PTK2: variants seen among roughly 807,000 people sequenced by gnomAD.
The protein encoded by PTK2 is focal adhesion kinase 1.
Under a neutral mutation model 150.1 loss-of-function variants are expected in PTK2, and 45 were observed. That is an observed-to-expected ratio of 0.30 (90% CI 0.24 to 0.38). PTK2 has a LOEUF of 0.38. PTK2 is among the 10% of genes least tolerant of loss of function. The probability of loss-of-function intolerance (pLI) is 1.00; values close to 1 mark genes in which losing one functional copy is unlikely to be tolerated. For missense variants in PTK2, 919 were observed against 1,307.3 expected, an observed-to-expected ratio of 0.70 and a Z score of 4.58; for synonymous variants, 432 against 449.2, an observed-to-expected ratio of 0.96 and a Z score of 0.48.
chr8:140,911,514 G>T (rs10089610), intron 2 of PTK2, among the ~76,000 whole-genome samples: 63,416 of 151,904 alleles, frequency 0.42, 15,151 homozygotes, highest in Non-Finnish European at 0.55. Context: ...GAGACACATT[G>T]ATAGTCTGAT....
chr8:140,780,674 G>A (rs1395264048), intron 14 of PTK2, among the ~76,000 whole-genome samples: 1 of 152,188 alleles, frequency 6.6e-6, no homozygotes, highest in Admixed American at 6.5e-5. Flanking sequence ...TTCTTGTTTA[G>A]ACGAAACCAC....
In PTK2 at chr8:140,875,491, CAGA is replaced by C. The variant is rs1309008309; in HGVS notation, c.362+3977_362+3979del. On this transcript the variant is annotated intron_variant, in intron 4 of 31. Transcript: ENST00000522684. ...CAGAGTGGAGGAGGAAGAGGAAGAG[CAGA>C]AGGAGATAAGGACTGTGAGGTCATC... Among the ~76,000 whole-genome samples the C allele has an allele frequency of 2.6e-5, 4 of 152,102 alleles. No individual in the cohort carries two copies. The East Asian group carries it at 5.8e-4, about 22-fold the overall frequency.
intron 10 of PTK2, among the ~76,000 whole-genome samples, chr8:140,808,559 T>C (rs2100099472): frequency 6.6e-6 from 1 of 152,222 alleles, no homozygotes; most frequent in East Asian, 1.9e-4. Flanking sequence ...TGTGAAACAG[T>C]TAACATTTAA....
At chr8:140,957,609 C>T (rs1381154543) in intron 1 of PTK2, among the ~76,000 whole-genome samples, 1 of 152,162 alleles carries the variant, frequency 6.6e-6, no homozygotes, top group Non-Finnish European at 1.5e-5. Flanking sequence ...TCACCCAGAG[C>T]AGCGTTCAGT....
intron 3 of PTK2, among the ~76,000 whole-genome samples, chr8:140,884,564 C>G (rs1243475129): frequency 1.3e-5 from 2 of 152,170 alleles, no homozygotes; most frequent in Non-Finnish European, 2.9e-5. Context: ...CACAAAGTGT[C>G]CAGTGATGAC....
rs538232004 is a variant in PTK2 at position 140,747,042 on chromosome 8, C to T, written c.1418-182G>A. ...AGTAGCTGGGACTACAGGCGCCCAC[C>T]ACCACGCCCGGCTAATTTTTTGTAT... On this transcript the variant is annotated intron_variant, in intron 17 of 31. Coordinates refer to ENST00000522684, the Ensembl canonical transcript of PTK2. 7.3e-5 allele frequency: 37 copies of T among 507,566 alleles called. 1 individual carries two copies. In the South Asian group the frequency reaches 7.3e-4, roughly 10 times the overall value. The allele number at this position is 507,566 out of a possible 1,614,324, so 31.4% of individuals were successfully genotyped here.
chr8:140,864,350 T>G (rs369173327), exon 5 of PTK2: 1 of 1,601,960 alleles, frequency 6.2e-7, no homozygotes, highest in Admixed American at 1.7e-5. Flanking sequence ...TTATCTTCAG[T>G]AAACTGGTTT....
chr8:140,876,540 T>TTA (rs10622754), intron 4 of PTK2, among the ~76,000 whole-genome samples: 134,738 of 152,076 alleles, frequency 0.89, 61,546 homozygotes, highest in Non-Finnish European at 1. Flanking sequence ...ATTTGGGATT[T>TTA]TGTTAATCCT....
At chr8:140,807,116 A>G (rs1234450590) in intron 10 of PTK2, among the ~76,000 whole-genome samples, 2 of 152,268 alleles carry the variant, frequency 1.3e-5, no homozygotes, top group Non-Finnish European at 2.9e-5. Context: ...ATGAGAAGTT[A>G]TTAGGTGCTA....
rs182601044 is a variant in PTK2, at chr8:140,855,558, A to G, written c.450+8754T>C. 5.8e-3 allele frequency among the ~76,000 whole-genome samples: 886 copies of G among 152,192 alleles called. 5 individuals carry two copies. The highest frequency in any genetic ancestry group is 0.02 in the African/African-American group (839 of 41,530). ...TGCAGTGAGCCAAGATCACGCCACC[A>G]CACTCCAGCCTGGACAACAGAGCAA... On this transcript the variant is annotated intron_variant, in intron 5 of 31. Coordinates refer to ENST00000522684, the Ensembl canonical transcript of PTK2.
At chr8:140,757,089 G>A (rs1474495151) in intron 16 of PTK2, among the ~76,000 whole-genome samples, 1 of 152,152 alleles carries the variant, frequency 6.6e-6, no homozygotes, top group Admixed American at 6.5e-5. Flanking sequence ...AAAAGTGAAT[G>A]AAATAAAGTC....
intron 2 of PTK2, among the ~76,000 whole-genome samples, chr8:140,902,542 T>C (rs1318611102): frequency 6.6e-6 from 1 of 152,202 alleles, no homozygotes; most frequent in Non-Finnish European, 1.5e-5. Flanking sequence ...CACACTGTCT[T>C]CCACAATGGT....
exon 3 of PTK2, chr8:140,890,690 C>T (rs780485175): frequency 5.6e-6 from 9 of 1,614,034 alleles, no homozygotes; most frequent in South Asian, 2.2e-5. Flanking sequence ...TCTTAGTACT[C>T]GAATTTGGTG....
At chr8:140,973,489 T>C (rs941499392) in intron 1 of PTK2, among the ~76,000 whole-genome samples, 1 of 151,506 alleles carries the variant, frequency 6.6e-6, no homozygotes. Flanking sequence ...GGGGCACACA[T>C]ACACACACAC....
At chr8:140,941,462 C>G (rs2154608858) in intron 1 of PTK2, among the ~76,000 whole-genome samples, 1 of 152,336 alleles carries the variant, frequency 6.6e-6, no homozygotes, top group Admixed American at 6.5e-5. Flanking sequence ...TACTGTAATG[C>G]ACCTTATTCT....
chr8:140,715,554 A>G (rs1364942189), intron 23 of PTK2, among the ~76,000 whole-genome samples: 1 of 152,102 alleles, frequency 6.6e-6, no homozygotes, highest in African/African-American at 2.4e-5. Context: ...TGTAGGCTAT[A>G]CTGTCTCTGC....
chr8:140,808,795 G>T (rs1419635980), intron 10 of PTK2, among the ~76,000 whole-genome samples: 1 of 147,264 alleles, frequency 6.8e-6, no homozygotes, highest in East Asian at 2.0e-4. Flanking sequence ...GAGTGCAGTG[G>T]TGTGATCTCA....
At chr8:140,927,300 T>G (rs528912371) in intron 1 of PTK2, 1 of 152,298 alleles carries the variant, frequency 6.6e-6, no homozygotes, top group Non-Finnish European at 1.5e-5. Context: ...CACCATCAAT[T>G]TTTTTTACCC....
rs2100148007 is a variant in PTK2 at position 140,879,702 on chromosome 8, C to CAAAA, written c.196-66_196-65insTTTT. The CAAAA allele has an allele frequency of 7.7e-5, 51 of 663,230 alleles. 1 individual carries two copies. Among genetic ancestry groups the CAAAA allele is most frequent in the Non-Finnish European group, 8.7e-5 (45 of 516,748 alleles). The allele number at this position is 663,230 out of a possible 1,614,324, so 41.1% of individuals were successfully genotyped here. On this transcript the variant is annotated intron_variant, in intron 3 of 31. Coordinates refer to ENST00000522684, the Ensembl canonical transcript of PTK2. ...AAAAAAAAAAAAAAAAAAAAAAAAACCAAAACAAAACAAAAACAAAACAAA... is the reference window on the plus strand; with the variant it reads ...AAAAAAAAAAAAAAAAAAAAAAAAACAAAACAAAACAAAACAAAAACAAAACAAA...
Sources: gnomAD v4.1 joint callset for allele counts (sites outside exome capture counted in the v4.1 genomes callset) on GRCh38, gnomAD v4.1.1 for gene constraint, MANE v1.5 for transcripts, NCBI Gene and HGNC (gene_info 2026-07-23, HGNC 2026-07-21) for gene names.